The following DOCK3 variants were observed in gnomAD, a reference collection of about 807,000 sequenced individuals.
DOCK3 encodes dedicator of cytokinesis protein 3.
A neutral mutation model predicts 265.6 loss-of-function variants in DOCK3; 60 were observed. The observed-to-expected ratio is 0.23, with a 90% confidence interval of 0.18 to 0.28. The LOEUF is 0.28. Among genes scored for constraint, DOCK3 ranks in the 10% least tolerant of loss-of-function variants. The pLI is 1.00. For synonymous variants in DOCK3, 881 were observed against 938.0 expected (o/e 0.94, Z 1.11); for missense variants, 1,981 against 2,594.3 (o/e 0.76, Z 5.14).
At chr3:51,349,285 A>G (rs1339893957) in intron 39 of DOCK3, among the ~76,000 whole-genome samples, 1 of 152,166 alleles carries the variant, frequency 6.6e-6, no homozygotes, top group Non-Finnish European at 1.5e-5. Flanking sequence ...TCTTTTTAAG[A>G]GCTTTCCCCA....
intron 1 of DOCK3, among the ~76,000 whole-genome samples, chr3:50,714,422 C>T (rs1286378307): frequency 6.6e-6 from 1 of 152,192 alleles, no homozygotes; most frequent in Admixed American, 6.5e-5. Context: ...GTGGCATATT[C>T]TCTGTAACCT....
At chr3:51,272,356 A>C (rs1471942447) in intron 24 of DOCK3, among the ~76,000 whole-genome samples, 1 of 150,100 alleles carries the variant, frequency 6.7e-6, no homozygotes, top group Non-Finnish European at 1.5e-5. Flanking sequence ...AGCTCACCGC[A>C]GCCTCCGCCT....
intron 5 of DOCK3, among the ~76,000 whole-genome samples, chr3:51,034,889 T>C (rs781443963): frequency 6.6e-6 from 1 of 152,130 alleles, no homozygotes; most frequent in Non-Finnish European, 1.5e-5. Context: ...TCTAATACAT[T>C]AAATATGTTA....
chr3:51,109,331 C>T (rs2083418979), intron 9 of DOCK3, among the ~76,000 whole-genome samples: 1 of 152,054 alleles, frequency 6.6e-6, no homozygotes, highest in Non-Finnish European at 1.5e-5. Context: ...CTAATGAGAA[C>T]AAAGATACAA....
chr3:50,991,737 C>T (rs1216807284), intron 5 of DOCK3, among the ~76,000 whole-genome samples: 1 of 152,034 alleles, frequency 6.6e-6, no homozygotes, highest in East Asian at 1.9e-4. Context: ...GGACCAATTG[C>T]ATCTGATATA....
intron 1 of DOCK3, among the ~76,000 whole-genome samples, chr3:50,759,950 A>AT (rs2040424429): frequency 6.7e-6 from 1 of 150,080 alleles, no homozygotes; most frequent in Non-Finnish European, 1.5e-5. Flanking sequence ...ATTTAAAAAT[A>AT]TTTTTTCCCA....
chr3:51,228,861 C>G, intron 18 of DOCK3, 29 bp downstream of exon 18: 1 of 1,605,326 alleles, frequency 6.2e-7, no homozygotes, highest in Non-Finnish European at 8.5e-7. Context: ...AGGGTGGTGC[C>G]CTCCACCCTC....
At chr3:51,244,266 T>A (rs972802575) in intron 21 of DOCK3, among the ~76,000 whole-genome samples, 1 of 152,036 alleles carries the variant, frequency 6.6e-6, no homozygotes, top group South Asian at 2.1e-4. Context: ...AGGGATTGCA[T>A]TGAATCTGTA....
At chr3:50,736,737 C>T (rs893186976) in intron 1 of DOCK3, among the ~76,000 whole-genome samples, 2 of 149,766 alleles carry the variant, frequency 1.3e-5, no homozygotes, top group Non-Finnish European at 3.0e-5. Flanking sequence ...CATTCTGTCG[C>T]CCAGGCTGGA....
intron 1 of DOCK3, among the ~76,000 whole-genome samples, chr3:50,764,012 T>C (rs1455198442): frequency 1.3e-5 from 2 of 152,240 alleles, no homozygotes; most frequent in African/African-American, 4.8e-5. Flanking sequence ...TAATTCACTA[T>C]TTGTAGGTGG....
chr3:51,343,675 C>T (rs1203676516), intron 38 of DOCK3, among the ~76,000 whole-genome samples: 1 of 152,210 alleles, frequency 6.6e-6, no homozygotes, highest in African/African-American at 2.4e-5. Context: ...TACCTCTGTG[C>T]AGAGGCAGCT....
chr3:50,834,756 A>G (rs1245768800), intron 2 of DOCK3, among the ~76,000 whole-genome samples: 1 of 152,214 alleles, frequency 6.6e-6, no homozygotes, highest in Non-Finnish European at 1.5e-5. Flanking sequence ...CATTTAAAAA[A>G]GGCAAAAACT....
intron 32 of DOCK3, among the ~76,000 whole-genome samples, chr3:51,329,144 A>G (rs2084351607): frequency 6.6e-6 from 1 of 152,208 alleles, no homozygotes; most frequent in Admixed American, 6.5e-5. Flanking sequence ...GTGAGACTCC[A>G]TCTCAAAATA....
At chr3:51,074,381 T>C (rs1439032541) in intron 6 of DOCK3, among the ~76,000 whole-genome samples, 12 of 152,168 alleles carry the variant, frequency 7.9e-5, no homozygotes, top group Non-Finnish European at 1.5e-5. Flanking sequence ...TTACATACCA[T>C]TTTGAACCCA....
chr3:51,124,232 G>A (rs182755316), intron 9 of DOCK3, among the ~76,000 whole-genome samples: 113 of 152,118 alleles, frequency 7.4e-4, no homozygotes, highest in African/African-American at 2.5e-3. Flanking sequence ...ATATGAGAAC[G>A]GTGCTGCTAT....
At chr3:51,171,457 C>T (rs2086676068) in intron 12 of DOCK3, among the ~76,000 whole-genome samples, 1 of 152,078 alleles carries the variant, frequency 6.6e-6, no homozygotes, top group South Asian at 2.1e-4. Flanking sequence ...TGGCTCACAC[C>T]TGTAATCTCA....
At chr3:51,251,266 C>G (rs911677646) in intron 22 of DOCK3, among the ~76,000 whole-genome samples, 2 of 152,150 alleles carry the variant, frequency 1.3e-5, no homozygotes, top group Non-Finnish European at 2.9e-5. Flanking sequence ...TCCAGTCTAT[C>G]ATTGATGGAC....
intron 38 of DOCK3, among the ~76,000 whole-genome samples, chr3:51,347,067 A>C (rs2085632885): frequency 6.6e-6 from 1 of 152,162 alleles, no homozygotes; most frequent in African/African-American, 2.4e-5. Context: ...AGATTGTAAA[A>C]ATATTCTCCC....
chr3:50,771,578 G>A (rs1381087013), intron 1 of DOCK3, among the ~76,000 whole-genome samples: 2 of 152,118 alleles, frequency 1.3e-5, no homozygotes, highest in Admixed American at 1.3e-4. Context: ...CTGGCCGGGT[G>A]TGGTGGCTCA....
Sources: gnomAD v4.1 joint callset for allele counts (sites outside exome capture counted in the v4.1 genomes callset) on GRCh38, gnomAD v4.1.1 for gene constraint, MANE v1.5 for transcripts, NCBI Gene and HGNC (gene_info 2026-07-23, HGNC 2026-07-21) for gene names.